MAGI2: variants seen among roughly 807,000 people sequenced by gnomAD.
MAGI2 encodes membrane associated guanylate kinase, WW and PDZ domain containing 2.
A neutral mutation model predicts 133.3 loss-of-function variants in MAGI2; 35 were observed. The observed-to-expected ratio is 0.26, with a 90% CI of 0.20 to 0.35. The LOEUF (loss-of-function observed/expected upper bound fraction) is 0.35. MAGI2 is among the 10% of genes least tolerant of loss of function. MAGI2 has a pLI of 1.00. For missense variants in MAGI2, 1,636 were observed against 1,863.4 expected (o/e 0.88, Z 2.25); for synonymous variants, 729 against 710.6 (o/e 1.03, Z -0.41).
intron 21 of MAGI2, among the ~76,000 whole-genome samples, chr7:78,038,193 C>T (rs6947543): frequency 0.19 from 29,014 of 152,080 alleles, 3,743 homozygotes; most frequent in African/African-American, 0.36. Context: ...CAATTTCAGC[C>T]CCTAACACAG....
chr7:78,621,453 G>C (rs1488869781), intron 3 of MAGI2, among the ~76,000 whole-genome samples: 2 of 151,920 alleles, frequency 1.3e-5, no homozygotes, highest in Admixed American at 1.3e-4. Context: ...GAAAAGGTGA[G>C]GATGAAATCA....
intron 16 of MAGI2, among the ~76,000 whole-genome samples, chr7:78,158,646 T>C (rs1824639781): frequency 6.6e-6 from 1 of 152,204 alleles, no homozygotes; most frequent in African/African-American, 2.4e-5. Flanking sequence ...TTCCTGGGCA[T>C]AGGCCAAGCT....
intron 1 of MAGI2, among the ~76,000 whole-genome samples, chr7:79,111,178 G>A (rs964096460): frequency 1.3e-5 from 2 of 152,130 alleles, no homozygotes; most frequent in African/African-American, 4.8e-5. Context: ...TGATTTATAA[G>A]ACAATTTAAA....
chr7:78,154,158 A>G (rs1356297664), intron 16 of MAGI2, among the ~76,000 whole-genome samples: 1 of 152,230 alleles, frequency 6.6e-6, no homozygotes, highest in Non-Finnish European at 1.5e-5. Flanking sequence ...GAAGTTTTAA[A>G]ATCTCTAGGA....
chr7:78,198,683 G>T (rs1828963350), intron 11 of MAGI2, among the ~76,000 whole-genome samples: 2 of 152,078 alleles, frequency 1.3e-5, no homozygotes, highest in African/African-American at 4.8e-5. Flanking sequence ...TGATTCTAGG[G>T]TGCATACAGG....
chr7:78,817,669 G>A (rs1226910933), intron 2 of MAGI2, among the ~76,000 whole-genome samples: 1 of 151,784 alleles, frequency 6.6e-6, no homozygotes, highest in Non-Finnish European at 1.5e-5. Context: ...ACATTTTTTA[G>A]ACATAATGCA....
chr7:78,092,961 G>A (rs537179098), intron 20 of MAGI2, among the ~76,000 whole-genome samples: 104 of 151,828 alleles, frequency 6.8e-4, no homozygotes, highest in African/African-American at 2.2e-3. Context: ...GGGAAACCCC[G>A]TCTCTACTAA....
At chr7:78,810,342 C>T (rs562559902) in intron 2 of MAGI2, among the ~76,000 whole-genome samples, 49 of 152,096 alleles carry the variant, frequency 3.2e-4, no homozygotes, top group South Asian at 1.5e-3. Flanking sequence ...CTTCTCTACT[C>T]GAAAGAATCT....
intron 6 of MAGI2, among the ~76,000 whole-genome samples, chr7:78,473,586 C>T (rs542126171): frequency 2.0e-5 from 3 of 152,156 alleles, no homozygotes; most frequent in African/African-American, 7.2e-5. Context: ...AAACTCAGTG[C>T]AAACATCCAT....
At chr7:79,016,063 C>A (rs1021395502) in intron 1 of MAGI2, among the ~76,000 whole-genome samples, 1 of 150,616 alleles carries the variant, frequency 6.6e-6, no homozygotes, top group African/African-American at 2.4e-5. Context: ...CCCCTGGAAT[C>A]CTGCCAGCAG....
At chr7:78,974,323 T>C (rs1396805343) in intron 2 of MAGI2, among the ~76,000 whole-genome samples, 1 of 152,010 alleles carries the variant, frequency 6.6e-6, no homozygotes, top group Non-Finnish European at 1.5e-5. Flanking sequence ...ATTTTTTCTC[T>C]AGTGTGGCTA....
At chr7:78,587,262 C>CT (rs1408703212) in intron 3 of MAGI2, among the ~76,000 whole-genome samples, 1 of 152,230 alleles carries the variant, frequency 6.6e-6, no homozygotes, top group African/African-American at 2.4e-5. Context: ...CTTATCCCCC[C>CT]TTTTTTTCTC....
rs1399435245 is a variant in MAGI2 at position 79,028,279 on chromosome 7, A to G, written c.302-21073T>C. Among the ~76,000 whole-genome samples the G allele has an allele frequency of 8.3e-4, 35 of 42,000 alleles. 1 individual carries two copies. Among genetic ancestry groups the G allele is most frequent in the African/African-American group, 2.4e-3 (27 of 11,296 alleles). 27.6% of individuals were successfully genotyped at this position (42,000 alleles called of 152,430 possible). On this transcript the variant is annotated intron_variant, in intron 1 of 21. Transcript: ENST00000354212. ...TATATATATATATATGTATGTATGT[A>G]TATATATATATATGTGTGTATATAT...
At chr7:78,346,613 C>T (rs1197373743) in intron 7 of MAGI2, among the ~76,000 whole-genome samples, 1 of 152,142 alleles carries the variant, frequency 6.6e-6, no homozygotes, top group East Asian at 1.9e-4. Flanking sequence ...GTAGAGAATT[C>T]ATATTCTACA....
At chr7:78,279,946 G>A (rs1447835989) in intron 9 of MAGI2, among the ~76,000 whole-genome samples, 1 of 152,140 alleles carries the variant, frequency 6.6e-6, no homozygotes, top group African/African-American at 2.4e-5. Context: ...CTCAAACCCA[G>A]CAGCAATCTC....
At chr7:78,622,667 G>A (rs1485018761) in intron 3 of MAGI2, among the ~76,000 whole-genome samples, 1 of 151,974 alleles carries the variant, frequency 6.6e-6, no homozygotes, top group Admixed American at 6.6e-5. Flanking sequence ...CTTATGACAA[G>A]TAGTGAAGAA....
intron 1 of MAGI2, among the ~76,000 whole-genome samples, chr7:79,328,186 A>G (rs1839831041): frequency 6.6e-6 from 1 of 152,214 alleles, no homozygotes; most frequent in African/African-American, 2.4e-5. Flanking sequence ...ATTATTAATA[A>G]TCAAATAGAT....
intron 2 of MAGI2, among the ~76,000 whole-genome samples, chr7:78,664,391 G>A (rs933985629): frequency 3.3e-5 from 5 of 151,978 alleles, no homozygotes; most frequent in African/African-American, 1.2e-4. Context: ...AAACACTATA[G>A]AATTGAATTC....
intron 2 of MAGI2, among the ~76,000 whole-genome samples, chr7:78,673,422 C>A (rs946686230): frequency 3.3e-5 from 5 of 151,760 alleles, no homozygotes; most frequent in African/African-American, 1.2e-4. Flanking sequence ...CCCAGGACAG[C>A]CAAGTACCAA....
Sources: gnomAD v4.1 joint callset for allele counts (sites outside exome capture counted in the v4.1 genomes callset) on GRCh38, gnomAD v4.1.1 for gene constraint, MANE v1.5 for transcripts, NCBI Gene and HGNC (gene_info 2026-07-23, HGNC 2026-07-21) for gene names.